The following TAF1 variants were observed in gnomAD, a reference collection of about 807,000 sequenced individuals.
TAF1 encodes TATA-box binding protein associated factor 1, also known as transcription initiation factor TFIID subunit 1.
TAF1 carries 2 observed loss-of-function variants against 138.5 expected under a neutral mutation model. The observed-to-expected ratio is 0.01, with a 90% confidence interval of 0.01 to 0.05. The LOEUF is 0.05. TAF1 is among the 10% of genes least tolerant of loss of function. TAF1 has a pLI of 1.00. For synonymous variants in TAF1, 437 were observed against 503.2 expected (o/e 0.87, Z 1.76); for missense variants, 709 against 1,478.0 (o/e 0.48, Z 8.53).
chrX:71,366,448 A>G lies in TAF1; in HGVS notation c.74A>G (p.Asn25Ser). 8.3e-7 allele frequency: 1 copy of G among 1,200,542 alleles called. No homozygotes were observed. Among genetic ancestry groups the G allele is most frequent in the Non-Finnish European group, 1.1e-6 (1 of 890,680 alleles). ...PFSLAGFLFG[N>S]INGAGQLEGE... is the part of the protein sequence containing the mutation. ...TCTTTAGCGGGTTTCCTTTTCGGCA[A>G]CATCAATGGAGCCGGGCAGCTGGAG... The change falls in exon 1 of 38, where the codon AAC (asparagine) becomes AGC (serine). Residue 25 changes from asparagine to serine, a missense_variant. Physicochemically the swap from Asn to Ser is conservative, Grantham distance 46. Around this residue, in one of 14 missense-constraint regions of TAF1, gnomAD observed 123 missense variants for 161.6 expected, o/e 0.76. Transcript: ENST00000423759.
Position 71,366,370 on chromosome X carries a change from C to T in TAF1, c.-5C>T. 1 of 1,210,959 alleles carries T rather than the reference C, an allele frequency of 8.3e-7. No homozygotes were observed. The highest frequency in any genetic ancestry group is 1.1e-6 in the Non-Finnish European group (1 of 895,384). On this transcript the variant is annotated 5_prime_UTR_variant, in exon 1 of 38. Transcript: ENST00000423759. ...ACAGCAGCTACCATCACTGCTGCCG[C>T]CATCATGTCAGACACGGACAGCGAC...
intron 28 of TAF1, among the ~76,000 whole-genome samples, chrX:71,409,702 C>T (rs1310266216): frequency 9.0e-6 from 1 of 110,913 alleles, no homozygotes; most frequent in African/African-American, 3.3e-5. Context: ...CAGGCCCAAC[C>T]CATTTATCTA....
chrX:71,428,547 T>G (rs1467584964), intron 32 of TAF1, among the ~76,000 whole-genome samples: 1 of 112,038 alleles, frequency 8.9e-6, no homozygotes, highest in Non-Finnish European at 1.9e-5. Flanking sequence ...AGGGTTGTTT[T>G]GAGGATTAAA....
chrX:71,470,931 A>T (rs2038872191), downstream of TAF1, among the ~76,000 whole-genome samples: 2 of 109,534 alleles, frequency 1.8e-5, no homozygotes, highest in Admixed American at 9.9e-5. Context: ...AGGTGGGAGG[A>T]TTGCTTAAGC....
intron 28 of TAF1, 69 bp downstream of exon 28, chrX:71,408,220 T>G: frequency 8.8e-7 from 1 of 1,136,393 alleles, no homozygotes; most frequent in Non-Finnish European, 1.2e-6. Flanking sequence ...GGCCCTAAAT[T>G]CAGACTAGAT....
chrX:71,388,159 C>A, intron 15 of TAF1, 78 bp from the exon 16 acceptor site: 1 of 1,151,339 alleles, frequency 8.7e-7, no homozygotes, highest in Non-Finnish European at 1.2e-6. Context: ...TACATTAGAG[C>A]TTAGCAAAGG....
intron 13 of TAF1, among the ~76,000 whole-genome samples, chrX:71,518,422 C>T (rs2039861294): frequency 9.0e-6 from 1 of 111,470 alleles, no homozygotes; most frequent in African/African-American, 3.3e-5. Context: ...CTGCCCACCT[C>T]AGCCTCCCAA....
At chrX:71,423,405 CTTTTT>C (rs199646423) in intron 30 of TAF1, 166 bp downstream of exon 30, 1 of 430,825 alleles carries the variant, frequency 2.3e-6, no homozygotes. Flanking sequence ...GGTACATTAT[CTTTTT>C]TTTTTAAGAG....
intron 37 of TAF1, among the ~76,000 whole-genome samples, chrX:71,462,365 CAA>C (rs1168009055): frequency 9.0e-6 from 1 of 111,286 alleles, no homozygotes; most frequent in African/African-American, 3.3e-5. Flanking sequence ...ATCACAAGGT[CAA>C]GAGATCTAGA....
intron 32 of TAF1, among the ~76,000 whole-genome samples, chrX:71,427,184 C>T (rs1432208925): frequency 4.5e-5 from 5 of 112,012 alleles, no homozygotes; most frequent in Non-Finnish European, 9.4e-5. Flanking sequence ...GGGAACTATA[C>T]GTAACTAGAA....
rs368383566 is a variant in TAF1, at chrX:71,431,935, T to C, written c.4753+7697T>C. Among the ~76,000 whole-genome samples the C allele has an allele frequency of 6.2e-4, 63 of 102,073 alleles. No individual in the cohort carries two copies. The East Asian group carries it at 0.016, about 26-fold the overall frequency. 88.6% of individuals were successfully genotyped at this position (102,073 alleles called of 115,157 possible). On this transcript the variant is annotated intron_variant, in intron 32 of 37. Transcript: ENST00000423759. ...GTCTCAAAAAAAAAAAAAAAAAATA[T>C]GAAGGAGTGGCCAGAATGAAAGAAG... is the stretch of plus-strand genomic sequence containing the variant.
At chrX:71,441,633 G>A (rs1275814312) in intron 32 of TAF1, 11 of 295,176 alleles carry the variant, frequency 3.7e-5, no homozygotes, top group Admixed American at 8.4e-5. Context: ...GTCATTCTAC[G>A]GCGCTATAGA....
chrX:71,444,231 C>T (rs1022750622), intron 32 of TAF1, among the ~76,000 whole-genome samples: 1 of 111,338 alleles, frequency 9.0e-6, no homozygotes, highest in Non-Finnish European at 1.9e-5. Flanking sequence ...TGGTCTCGAA[C>T]TTCTGACCTC....
chrX:71,438,844 A>G (rs1440757377), intron 32 of TAF1, among the ~76,000 whole-genome samples: 2 of 111,916 alleles, frequency 1.8e-5, no homozygotes, highest in Admixed American at 1.9e-4. Flanking sequence ...ACGTGGTATG[A>G]GAATGCACTC....
chrX:71,410,038 G>A (rs935851183), intron 28 of TAF1, among the ~76,000 whole-genome samples: 6 of 109,062 alleles, frequency 5.5e-5, no homozygotes, highest in Non-Finnish European at 7.6e-5. Flanking sequence ...GATCACAGGC[G>A]CCCACCACCA....
intron 37 of TAF1, 128 bp from the exon 38 acceptor site, chrX:71,463,696 G>A: frequency 1.6e-6 from 1 of 621,908 alleles, no homozygotes; most frequent in Non-Finnish European, 2.6e-6. Context: ...ATGTAGAATA[G>A]TCCAGAACCA....
intron 19 of TAF1, 51 bp from the exon 20 acceptor site, chrX:71,392,824 T>C: frequency 8.3e-7 from 1 of 1,204,896 alleles, no homozygotes. Context: ...AGATGCCTAC[T>C]TAAAAGGAAT....
intron 32 of TAF1, among the ~76,000 whole-genome samples, chrX:71,444,690 T>G (rs1253599886): frequency 9.0e-6 from 1 of 111,195 alleles, no homozygotes; most frequent in Non-Finnish European, 1.9e-5. Flanking sequence ...CAAGGCGAAG[T>G]CCTGGGATTA....
chrX:71,493,235 G>T (rs868728763), intron 13 of TAF1, among the ~76,000 whole-genome samples: 1 of 110,840 alleles, frequency 9.0e-6, no homozygotes. Flanking sequence ...GGCTGGTCTC[G>T]AACTCCTGAC....
Sources: gnomAD v4.1 joint callset for allele counts (sites outside exome capture counted in the v4.1 genomes callset) on GRCh38, gnomAD v4.1.1 for gene constraint, gnomAD v4.1.1 regional missense constraint, MANE v1.5 for transcripts, NCBI Gene and HGNC (gene_info 2026-07-23, HGNC 2026-07-21) for gene names.